Variants in IGSF3 observed in about 807,000 individuals in gnomAD.
The protein encoded by IGSF3 is immunoglobulin superfamily member 3.
IGSF3 carries 23 observed loss-of-function variants against 114.4 expected under a neutral mutation model. That is an observed-to-expected ratio of 0.20 (90% CI 0.14 to 0.28). IGSF3 has a LOEUF of 0.28. Among genes scored for constraint, IGSF3 ranks in the 10% least tolerant of loss-of-function variants. IGSF3 has a pLI of 1.00. For missense variants in IGSF3, 1,172 were observed against 1,591.5 expected, an observed-to-expected ratio of 0.74 and a Z score of 4.48; for synonymous variants, 571 against 645.2, an observed-to-expected ratio of 0.88 and a Z score of 1.74.
Position 116,649,152 on chromosome 1 carries a change from T to C in IGSF3, c.43+17132A>G, listed in dbSNP as rs893996432. 1.2e-4 allele frequency among the ~76,000 whole-genome samples: 18 copies of C among 152,210 alleles called. No individual in the cohort carries two copies. Among genetic ancestry groups the C allele is most frequent in the African/African-American group, 4.3e-4 (18 of 41,454 alleles). On this transcript the variant is annotated intron_variant, in intron 2 of 10. Transcript: ENST00000369486. This position sits in a 1 kb window ranked among gnomAD's most constrained non-coding sequence, Gnocchi z 4.5. ...CTGAGCAAGAACCGTCAAAGTCTGG[T>C]CCTGGAAGGACAGCCCTCCCCGTCT...
Position 116,629,031 on chromosome 1 carries a change from A to C in IGSF3, c.44-12574T>G, listed in dbSNP as rs1039458773. Reference sequence around the variant, plus strand: ...GCAGATACACAAGACCAAGCTGGAGAGTTCAGGGACTTCCAAAAGAAGGTA... The same window carrying C: ...GCAGATACACAAGACCAAGCTGGAGCGTTCAGGGACTTCCAAAAGAAGGTA... On this transcript the variant is annotated intron_variant, in intron 2 of 10. Coordinates refer to ENST00000369486, the MANE Select transcript of IGSF3 (RefSeq NM_001007237.3). This position sits in a 1 kb window ranked among gnomAD's most constrained non-coding sequence, Gnocchi z 4.3. Among the ~76,000 whole-genome samples the C allele has an allele frequency of 6.6e-6, 1 of 152,220 alleles. No homozygotes were observed. The highest frequency in any genetic ancestry group is 1.5e-5 in the Non-Finnish European group (1 of 68,048).
At position 116,603,929 on chromosome 1, in the gene IGSF3, G is replaced by T. The variant is rs147792935; in HGVS notation, c.1319C>A (p.Pro440Gln). ...CCAGATGACAGAGAAGCGACCCTGC[G>T]GCCTGCCTGCCGTGCGGACACTGCA... The part of the protein sequence containing the change: ...FSCSVRTAGR[P>Q]QGRFSVIWQL... Residue 440 changes from proline (P) to glutamine (Q), a missense_variant, in exon 6 of 11, where the codon CCG (proline) becomes CAG (glutamine). Physicochemically the swap from Pro to Gln is moderately conservative, Grantham distance 76. Around this residue, in one of 3 missense-constraint regions of IGSF3, gnomAD observed 736 missense variants for 1,042.0 expected, o/e 0.71. Coordinates refer to ENST00000369486, the MANE Select transcript of IGSF3 (RefSeq NM_001007237.3). The surrounding 1 kb of genome is among the most constrained non-coding windows in gnomAD (Gnocchi z 7.1). 1,373 of 1,613,966 alleles carry T rather than the reference G, an allele frequency of 8.5e-4. 2 individuals carry two copies. Among genetic ancestry groups the T allele is most frequent in the Admixed American group, 3.0e-3 (180 of 60,024 alleles).
chr1:116,618,004 G>A lies in IGSF3; in HGVS notation c.44-1547C>T, dbSNP rs1557874135. 1.3e-5 allele frequency among the ~76,000 whole-genome samples: 2 copies of A among 152,254 alleles called. No homozygotes were observed. Among genetic ancestry groups the A allele is most frequent in the African/African-American group, 4.8e-5 (2 of 41,468 alleles). ...CTGAAGTGGATCCAGCTGGTGAACA[G>A]CCGGGACAGCTCAATACTAGTGGAG... On this transcript the variant is annotated intron_variant, in intron 2 of 10. Coordinates refer to ENST00000369486, the MANE Select transcript of IGSF3 (RefSeq NM_001007237.3). The surrounding 1 kb of genome is among the most constrained non-coding windows in gnomAD (Gnocchi z 4.7).
rs1660274111 is a variant in IGSF3, at chr1:116,594,886, C to T, written c.2029+5055G>A. ...CCTTCCCAACCTCCCACCCTCACCC[C>T]TACCCCATTCCCTCCTCACGCCCCC... On this transcript the variant is annotated intron_variant, in intron 7 of 10. Transcript: ENST00000369486. The surrounding 1 kb of genome is among the most constrained non-coding windows in gnomAD (Gnocchi z 5.2). 6.6e-6 allele frequency among the ~76,000 whole-genome samples: 1 copy of T among 152,180 alleles called. No homozygotes were observed. Among genetic ancestry groups the T allele is most frequent in the Admixed American group, 6.5e-5 (1 of 15,280 alleles).
Position 116,577,718 on chromosome 1 carries a change from A to T in IGSF3, c.3335-156T>A, listed in dbSNP as rs1399087884. On this transcript the variant is annotated intron_variant, in intron 10 of 10. Transcript: ENST00000369486. This position sits in a 1 kb window ranked among gnomAD's most constrained non-coding sequence, Gnocchi z 5.7. ...CTGCTACCATTAATGGTGGAAGATG[A>T]CCCTTATATTCTTTTTCTCGCAACA... Among the ~76,000 whole-genome samples the T allele has an allele frequency of 6.6e-6, 1 of 151,974 alleles. No individual in the cohort carries two copies. The highest frequency in any genetic ancestry group is 1.5e-5 in the Non-Finnish European group (1 of 67,992).
intron 2 of IGSF3, among the ~76,000 whole-genome samples, chr1:116,656,632 T>C (rs1648864600): frequency 6.6e-6 from 1 of 151,784 alleles, no homozygotes; most frequent in Admixed American, 6.6e-5. Context: ...AAAATTAAAA[T>C]TCAAAAATTA....
rs145521525 is a variant in IGSF3 at position 116,595,869 on chromosome 1, G to T, written c.2029+4072C>A. ...ATTAAAAGAGAAAAGAACTGATTAA[G>T]AGCTAATAATCAAACATGTGAACTG... On this transcript the variant is annotated intron_variant, in intron 7 of 10. Coordinates refer to ENST00000369486, the MANE Select transcript of IGSF3 (RefSeq NM_001007237.3). The surrounding 1 kb of genome is among the most constrained non-coding windows in gnomAD (Gnocchi z 4.2). Among the ~76,000 whole-genome samples the T allele has an allele frequency of 2.0e-4, 31 of 152,322 alleles. 2 individuals carry two copies. The East Asian group carries it at 6.0e-3, about 29-fold the overall frequency.
At chr1:116,609,366 C>T (rs573385641) in intron 4 of IGSF3, among the ~76,000 whole-genome samples, 1 of 152,026 alleles carries the variant, frequency 6.6e-6, no homozygotes, top group African/African-American at 2.4e-5. Flanking sequence ...CCCACCTCAG[C>T]CTCCGGAGTA....
intron 1 of IGSF3, among the ~76,000 whole-genome samples, 153 bp from the exon 2 acceptor site, chr1:116,667,109 T>C (rs1410862619): frequency 6.6e-6 from 1 of 152,172 alleles, no homozygotes; most frequent in African/African-American, 2.4e-5. Flanking sequence ...TGTCTTTCCC[T>C]CCGCCTCAGT....
rs1472731827 is a variant in IGSF3, at chr1:116,636,629, G to A, written c.44-20172C>T. On this transcript the variant is annotated intron_variant, in intron 2 of 10. Transcript: ENST00000369486. This position sits in a 1 kb window ranked among gnomAD's most constrained non-coding sequence, Gnocchi z 4.5. ...TGATCTGTCTAGCCCTTCTACACCAGGAGCGAGGCCTGAAAAGCTGCATGA... is the reference window on the plus strand; with the variant it reads ...TGATCTGTCTAGCCCTTCTACACCAAGAGCGAGGCCTGAAAAGCTGCATGA... Among the ~76,000 whole-genome samples, 1 of 152,132 alleles carries A rather than the reference G, an allele frequency of 6.6e-6. No homozygotes were observed. Among genetic ancestry groups the A allele is most frequent in the Non-Finnish European group, 1.5e-5 (1 of 68,020 alleles).
chr1:116,653,912 C>A (rs1415014383), intron 2 of IGSF3, among the ~76,000 whole-genome samples: 1 of 152,198 alleles, frequency 6.6e-6, no homozygotes, highest in Non-Finnish European at 1.5e-5. Flanking sequence ...AGAATGTGCT[C>A]TTGCTTCTTT....
rs557677013 is a variant in IGSF3, at chr1:116,615,228, C to T, written c.421+852G>A. The stretch of plus-strand genomic sequence containing the variant: ...GGTGGAGGTTGCAGTGAGCCAAGAT[C>T]GCACCATTGCACTCCAGCCTGGGCA... On this transcript the variant is annotated intron_variant, in intron 3 of 10. Coordinates refer to ENST00000369486, the MANE Select transcript of IGSF3 (RefSeq NM_001007237.3). This position sits in a 1 kb window ranked among gnomAD's most constrained non-coding sequence, Gnocchi z 4.3. Among the ~76,000 whole-genome samples, 18 of 151,626 alleles carry T rather than the reference C, an allele frequency of 1.2e-4. No homozygotes were observed. Among genetic ancestry groups the T allele is most frequent in the African/African-American group, 4.1e-4 (17 of 41,286 alleles).
chr1:116,590,706 G>A (rs1025928952), intron 7 of IGSF3, among the ~76,000 whole-genome samples: 2 of 152,092 alleles, frequency 1.3e-5, no homozygotes, highest in African/African-American at 4.8e-5. Context: ...CACTGGTCAT[G>A]ACCCTGGCCT....
At position 116,605,544 on chromosome 1, in the gene IGSF3, G is replaced by C. The variant is rs1660763812; in HGVS notation, c.1223-1519C>G. 6.6e-6 allele frequency among the ~76,000 whole-genome samples: 1 copy of C among 152,142 alleles called. No homozygotes were observed. Among genetic ancestry groups the C allele is most frequent in the Non-Finnish European group, 1.5e-5 (1 of 68,038 alleles). ...CACCATCTATAGCACTAATGGTTAA[G>C]GGGATGGATTTGGAGACTTCCTAAC... is the stretch of plus-strand genomic sequence containing the variant. On this transcript the variant is annotated intron_variant, in intron 5 of 10. Coordinates refer to ENST00000369486, the MANE Select transcript of IGSF3 (RefSeq NM_001007237.3). The surrounding 1 kb of genome is among the most constrained non-coding windows in gnomAD (Gnocchi z 5.1).
chr1:116,646,395 A>C (rs1388924633), intron 2 of IGSF3, among the ~76,000 whole-genome samples: 3 of 152,206 alleles, frequency 2.0e-5, no homozygotes, highest in Non-Finnish European at 4.4e-5. Flanking sequence ...GAACCTTAAA[A>C]GCCTTGGAAA....
intron 2 of IGSF3, among the ~76,000 whole-genome samples, chr1:116,646,305 G>T (rs144784443): frequency 6.6e-6 from 1 of 152,154 alleles, no homozygotes; most frequent in Non-Finnish European, 1.5e-5. Context: ...CTGGTGAAAC[G>T]CCATTATCGT....
chr1:116,583,544 C>T lies in IGSF3; in HGVS notation c.2848+1101G>A, dbSNP rs892086928. On this transcript the variant is annotated intron_variant, in intron 9 of 10. Coordinates refer to ENST00000369486, the MANE Select transcript of IGSF3 (RefSeq NM_001007237.3). The surrounding 1 kb of genome is among the most constrained non-coding windows in gnomAD (Gnocchi z 4.5). Reference sequence around the variant, plus strand: ...CCCTGGAGATGCAATATTCCACCAACGAAATGAGCTGCTCTACTCAGACAT... The same window carrying T: ...CCCTGGAGATGCAATATTCCACCAATGAAATGAGCTGCTCTACTCAGACAT... Among the ~76,000 whole-genome samples, 8 of 152,150 alleles carry T rather than the reference C, an allele frequency of 5.3e-5. No homozygotes were observed. The highest frequency in any genetic ancestry group is 1.9e-4 in the African/African-American group (8 of 41,432).
Position 116,638,480 on chromosome 1 carries a change from G to A in IGSF3, c.44-22023C>T, listed in dbSNP as rs749193289. 2.0e-5 allele frequency among the ~76,000 whole-genome samples: 3 copies of A among 152,194 alleles called. No homozygotes were observed. Among genetic ancestry groups the A allele is most frequent in the South Asian group, 2.1e-4 (1 of 4,814 alleles). On this transcript the variant is annotated intron_variant, in intron 2 of 10. Transcript: ENST00000369486. This position sits in a 1 kb window ranked among gnomAD's most constrained non-coding sequence, Gnocchi z 4.1. ...GCCAATCACATCAAGTCCAAACTCC[G>A]TGTCTTGGTATCCAAGGCTTCAAAA... is the stretch of plus-strand genomic sequence containing the variant.
Position 116,650,830 on chromosome 1 carries a change from A to G in IGSF3, c.43+15454T>C, listed in dbSNP as rs2101069767. Reference sequence around the variant, plus strand: ...GGACATGTGTGCACAGAAAATGGAAAAAGAGCCATGAAATCCAAACAGATG... The same window carrying G: ...GGACATGTGTGCACAGAAAATGGAAGAAGAGCCATGAAATCCAAACAGATG... On this transcript the variant is annotated intron_variant, in intron 2 of 10. Transcript: ENST00000369486. The surrounding 1 kb of genome is among the most constrained non-coding windows in gnomAD (Gnocchi z 5.0). Among the ~76,000 whole-genome samples, 3 of 152,368 alleles carry G rather than the reference A, an allele frequency of 2.0e-5. 1 individual carries two copies. The highest frequency in any genetic ancestry group is 6.8e-3 in the Middle Eastern group (2 of 294).
Sources: allele counts gnomAD v4.1 joint callset (sites outside exome capture counted in the v4.1 genomes callset), GRCh38; gene constraint gnomAD v4.1.1; regional missense constraint gnomAD v4.1.1; non-coding constraint Gnocchi (gnomAD v3.1); transcripts MANE v1.5; gene names NCBI Gene and HGNC (gene_info 2026-07-23, HGNC 2026-07-21).